The following ZDHHC3 variants were observed in gnomAD, a reference collection of about 807,000 sequenced individuals.
ZDHHC3 encodes palmitoyltransferase ZDHHC3.
A neutral mutation model predicts 30.6 loss-of-function variants in ZDHHC3; 9 were observed. The observed-to-expected ratio is 0.29, with a 90% CI of 0.18 to 0.51. ZDHHC3 has a LOEUF of 0.51. Among genes scored for constraint, ZDHHC3 ranks in the 20% least tolerant of loss-of-function variants. The pLI is 0.97. For missense variants in ZDHHC3, 246 were observed against 384.2 expected, an observed-to-expected ratio of 0.64 and a Z score of 3.01; for synonymous variants, 136 against 140.2, an observed-to-expected ratio of 0.97 and a Z score of 0.21.
chr3:44,918,238 G>GC lies in ZDHHC3; in HGVS notation c.*8450_*8451insG. The GC allele has an allele frequency of 8.2e-7, 1 of 1,215,762 alleles. No individual in the cohort carries two copies. Among genetic ancestry groups the GC allele is most frequent in the Non-Finnish European group, 1.1e-6 (1 of 948,074 alleles). 75.3% of individuals were successfully genotyped at this position (1,215,762 alleles called of 1,614,324 possible). The stretch of plus-strand genomic sequence containing the variant: ...CAGCTATAGCATAGCAGTGGCGGGG[G>GC]GGGGGGCGGGGTGTCCACGGCATGG... On this transcript the variant is annotated 3_prime_UTR_variant, in exon 7 of 7. Coordinates refer to ENST00000424952, the MANE Select transcript of ZDHHC3 (RefSeq NM_001135179.2).
rs1273474653 is a variant in ZDHHC3, at chr3:44,924,609, G to A, written c.*2080C>T. 1.0e-6 allele frequency: 1 copy of A among 985,312 alleles called. No homozygotes were observed. Among genetic ancestry groups the A allele is most frequent in the Non-Finnish European group, 1.2e-6 (1 of 829,946 alleles). The allele number at this position is 985,312 out of a possible 1,614,324, so 61.0% of individuals were successfully genotyped here. A position where few individuals can be genotyped will look rare whatever the true frequency, so the allele number is the denominator to read the frequency against. On this transcript the variant is annotated 3_prime_UTR_variant, in exon 7 of 7. Transcript: ENST00000424952. Reference sequence around the variant, plus strand: ...TCAGCACTATCTACTGCATTCCTGAGAAATGCCAGGGGAAAAGAGCTAACC... The same window carrying A: ...TCAGCACTATCTACTGCATTCCTGAAAAATGCCAGGGGAAAAGAGCTAACC...
Position 44,925,507 on chromosome 3 carries a change from A to C in ZDHHC3, c.*1182T>G. On this transcript the variant is annotated 3_prime_UTR_variant, in exon 7 of 7. Transcript: ENST00000424952. ...CTCCTTCAAACAAGACTGACACAGG[A>C]AGTGCCTCTCAAATGGAAAATCTAT... is the stretch of plus-strand genomic sequence containing the variant. The C allele has an allele frequency of 1.0e-6, 1 of 985,468 alleles. No individual in the cohort carries two copies. Among genetic ancestry groups the C allele is most frequent in the Non-Finnish European group, 1.2e-6 (1 of 829,940 alleles). 61.0% of individuals were successfully genotyped at this position (985,468 alleles called of 1,614,324 possible).
chr3:44,917,615 T>C lies in ZDHHC3; in HGVS notation c.*9074A>G, dbSNP rs146148273. Reference sequence around the variant, plus strand: ...CGGAGAATGTGAAAGCCACCCAGTCTTGGAGAACGGTTCTTGATGAGCCGT... The same window carrying C: ...CGGAGAATGTGAAAGCCACCCAGTCCTGGAGAACGGTTCTTGATGAGCCGT... On this transcript the variant is annotated 3_prime_UTR_variant, in exon 7 of 7. Transcript: ENST00000424952. 1.4e-5 allele frequency: 4 copies of C among 289,874 alleles called. No homozygotes were observed. The East Asian group carries it at 2.7e-4, about 20-fold the overall frequency. The allele number at this position is 289,874 out of a possible 1,614,324, so 18.0% of individuals were successfully genotyped here. A position where few individuals can be genotyped will look rare whatever the true frequency, so the allele number is the denominator to read the frequency against.
intron 1 of ZDHHC3, among the ~76,000 whole-genome samples, chr3:44,967,837 G>A (rs1470982927): frequency 6.6e-6 from 1 of 152,190 alleles, no homozygotes; most frequent in Non-Finnish European, 1.5e-5. Context: ...TTGACATTTT[G>A]TTGAAAACTT....
intron 1 of ZDHHC3, among the ~76,000 whole-genome samples, chr3:44,969,058 G>C (rs1165870987): frequency 6.6e-6 from 1 of 152,220 alleles, no homozygotes; most frequent in African/African-American, 2.4e-5. Context: ...GCCAGCAGGA[G>C]CATCTTCATA....
chr3:44,933,511 T>C, intron 4 of ZDHHC3: 1 of 539,758 alleles, frequency 1.9e-6, no homozygotes, highest in Non-Finnish European at 3.3e-6. Flanking sequence ...ACCTCCTCCC[T>C]TGAAAAGCCA....
chr3:44,962,494 G>GAGAAGGAAGGAA (rs1704561837), intron 1 of ZDHHC3, among the ~76,000 whole-genome samples: 1 of 59,898 alleles, frequency 1.7e-5, no homozygotes, highest in East Asian at 6.9e-4. Context: ...GAAAGGGAGA[G>GAGAAGGAAGGAA]AGAAGGAAGG....
intron 3 of ZDHHC3, among the ~76,000 whole-genome samples, chr3:44,937,127 A>G (rs1387012614): frequency 1.3e-5 from 2 of 152,170 alleles, no homozygotes; most frequent in East Asian, 3.8e-4. Flanking sequence ...TTGAAATAAT[A>G]CAATTATATT....
Position 44,920,817 on chromosome 3 carries a change from C to G in ZDHHC3, c.*5872G>C, listed in dbSNP as rs1212539262. The G allele has an allele frequency of 1.0e-6, 1 of 985,324 alleles. No homozygotes were observed. Among genetic ancestry groups the G allele is most frequent in the South Asian group, 4.7e-5 (1 of 21,296 alleles). 61.0% of individuals were successfully genotyped at this position (985,324 alleles called of 1,614,324 possible). On this transcript the variant is annotated 3_prime_UTR_variant, in exon 7 of 7. Transcript: ENST00000424952. ...CCTCATAAAGTATTCCAGACAGAGC[C>G]TGGCCTGTCTACCAGAGGTCTTCAG...
At chr3:44,926,972 C>T (rs1209719700) in intron 6 of ZDHHC3, 125 bp from the exon 7 acceptor site, 4 of 1,259,574 alleles carry the variant, frequency 3.2e-6, no homozygotes, top group African/African-American at 3.1e-5. Context: ...AGCTATCTAC[C>T]TAATATATCT....
chr3:44,965,745 C>T (rs1704892703), intron 1 of ZDHHC3, among the ~76,000 whole-genome samples: 1 of 152,170 alleles, frequency 6.6e-6, no homozygotes, highest in Admixed American at 6.5e-5. Context: ...GTTCTCAGTC[C>T]AGCAAGTGTA....
intron 2 of ZDHHC3, among the ~76,000 whole-genome samples, chr3:44,953,887 T>C (rs1053300570): frequency 6.6e-6 from 1 of 152,228 alleles, no homozygotes; most frequent in Non-Finnish European, 1.5e-5. Context: ...CTGGGCAAGA[T>C]GCACAAGGCG....
intron 2 of ZDHHC3, among the ~76,000 whole-genome samples, chr3:44,954,943 T>C (rs925577452): frequency 6.6e-6 from 1 of 152,192 alleles, no homozygotes; most frequent in African/African-American, 2.4e-5. Context: ...TGAGTCCAGT[T>C]TGTCTTCAAG....
intron 5 of ZDHHC3, chr3:44,932,782 AAAC>A: frequency 3.0e-6 from 2 of 665,980 alleles, no homozygotes; most frequent in Non-Finnish European, 5.3e-6. Context: ...GAAAGACAGA[AAAC>A]AAAACTTCTC....
intron 5 of ZDHHC3, 101 bp from the exon 6 acceptor site, chr3:44,929,537 C>T (rs1047876254): frequency 6.7e-7 from 1 of 1,483,232 alleles, no homozygotes. Flanking sequence ...TGCTTGCAGG[C>T]CTTCATTCCT....
At chr3:44,944,338 G>T (rs1702724355) in intron 3 of ZDHHC3, among the ~76,000 whole-genome samples, 1 of 152,042 alleles carries the variant, frequency 6.6e-6, no homozygotes, top group Non-Finnish European at 1.5e-5. Flanking sequence ...TAAAGACAGA[G>T]TTTCTCCATG....
In ZDHHC3 at chr3:44,933,417, C is replaced by T. The variant is rs1418358728; in HGVS notation, c.529-218G>A. ...AGCCACCTCCGGGAGTACGTGGAAC[C>T]AGAACAGAAGCAAGCCCGTCACCAG... On this transcript the variant is annotated intron_variant, in intron 4 of 6. Transcript: ENST00000424952. 2.8e-4 allele frequency: 170 copies of T among 600,822 alleles called. 1 individual carries two copies. The highest frequency in any genetic ancestry group is 1.5e-5 in the Non-Finnish European group (5 of 338,366). 37.2% of individuals were successfully genotyped at this position (600,822 alleles called of 1,614,324 possible).
intron 3 of ZDHHC3, among the ~76,000 whole-genome samples, chr3:44,940,928 T>A (rs1237253767): frequency 1.3e-5 from 2 of 152,194 alleles, no homozygotes; most frequent in African/African-American, 4.8e-5. Context: ...TCTCTCCCTA[T>A]ACCAGCACTT....
chr3:44,921,877 A>C lies in ZDHHC3; in HGVS notation c.*4812T>G. 1 of 985,398 alleles carries C rather than the reference A, an allele frequency of 1.0e-6. No homozygotes were observed. The highest frequency in any genetic ancestry group is 1.7e-5 in the African/African-American group (1 of 57,344). 61.0% of individuals were successfully genotyped at this position (985,398 alleles called of 1,614,324 possible). On this transcript the variant is annotated 3_prime_UTR_variant, in exon 7 of 7. Coordinates refer to ENST00000424952, the MANE Select transcript of ZDHHC3 (RefSeq NM_001135179.2). ...AGCTGCAGAAATTCAGGGCATCCTT[A>C]TGTCCGTGTTAGAGCATGTGCGGCC... is the stretch of plus-strand genomic sequence containing the variant.
Sources: gnomAD v4.1 joint callset for allele counts (sites outside exome capture counted in the v4.1 genomes callset) on GRCh38, gnomAD v4.1.1 for gene constraint, MANE v1.5 for transcripts, NCBI Gene and HGNC (gene_info 2026-07-23, HGNC 2026-07-21) for gene names.